Variants in NHEJ1 observed in about 807,000 individuals in gnomAD.
NHEJ1 encodes the protein non-homologous end-joining factor 1.
Under a neutral mutation model 39.4 loss-of-function variants are expected in NHEJ1, and 22 were observed. The ratio of observed to expected loss-of-function variants is 0.56; its 90% confidence interval spans 0.40 to 0.80. The LOEUF is 0.80. Ranked by LOEUF, NHEJ1 falls within the 30% of genes least tolerant of loss-of-function variation. NHEJ1 has a pLI of 0.00. For synonymous variants in NHEJ1, 154 were observed against 135.6 expected (o/e 1.14, Z -0.94); for missense variants, 329 against 357.1 (o/e 0.92, Z 0.63).
intron 5 of NHEJ1, among the ~76,000 whole-genome samples, chr2:219,125,936 T>C (rs1296679543): frequency 2.0e-5 from 3 of 152,226 alleles, no homozygotes; most frequent in Admixed American, 6.5e-5. Flanking sequence ...CTCATCCCAC[T>C]TGGCTATTCT....
At chr2:219,148,966 C>T (rs1023529934) in intron 3 of NHEJ1, among the ~76,000 whole-genome samples, 1 of 152,048 alleles carries the variant, frequency 6.6e-6, no homozygotes, top group African/African-American at 2.4e-5. Flanking sequence ...TCACTACAAC[C>T]TCCACCTCCC....
intron 4 of NHEJ1, 148 bp downstream of exon 4, chr2:219,147,509 C>T: frequency 1.1e-6 from 1 of 904,504 alleles, no homozygotes; most frequent in Non-Finnish European, 1.8e-6. Flanking sequence ...AAAGAGTCAC[C>T]TAATATCAAG....
At chr2:219,085,473 C>G (rs1339729770) in intron 5 of NHEJ1, among the ~76,000 whole-genome samples, 1 of 152,152 alleles carries the variant, frequency 6.6e-6, no homozygotes, top group Non-Finnish European at 1.5e-5. Context: ...GAATGTGAAA[C>G]TGAAGACAGA....
rs1949023425 is a variant in NHEJ1, at chr2:219,077,321, A to G, written c.750T>C (p.Asp250=). The G allele has an allele frequency of 6.2e-7, 1 of 1,614,120 alleles. No homozygotes were observed. The highest frequency in any genetic ancestry group is 2.2e-5 in the East Asian group (1 of 44,884). ...TSNSASLQGI[D]SQCVNQPEQL... ...GTTCTGGCTGGTTTACACATTGGCTATCGATTCCTTGCAGGGAAGCACTGT... is the reference window on the plus strand; with the variant it reads ...GTTCTGGCTGGTTTACACATTGGCTGTCGATTCCTTGCAGGGAAGCACTGT... Residue 250 remains aspartate (D), a synonymous_variant, in exon 7 of 8, where the codon GAT becomes GAC. Coordinates refer to ENST00000356853, the MANE Select transcript of NHEJ1 (RefSeq NM_024782.3).
intron 5 of NHEJ1, among the ~76,000 whole-genome samples, chr2:219,080,388 G>A (rs747134674): frequency 2.0e-5 from 3 of 151,896 alleles, no homozygotes; most frequent in South Asian, 2.1e-4. Context: ...AGCCGGGCAC[G>A]GTGGTGGGCG....
intron 5 of NHEJ1, among the ~76,000 whole-genome samples, chr2:219,116,973 G>A (rs1464536081): frequency 1.3e-5 from 2 of 152,130 alleles, no homozygotes; most frequent in African/African-American, 4.8e-5. Context: ...AGAAAGGAGA[G>A]GCAAAGAACA....
chr2:219,131,148 GC>G (rs1472254079), intron 5 of NHEJ1, among the ~76,000 whole-genome samples: 1 of 152,106 alleles, frequency 6.6e-6, no homozygotes, highest in East Asian at 1.9e-4. Flanking sequence ...TGTTAGAGGA[GC>G]CCCCAGCATT....
rs2106362226 is a variant in NHEJ1 at position 219,147,646 on chromosome 2, T to C, written c.529+11A>G. 1 of 1,614,120 alleles carries C rather than the reference T, an allele frequency of 6.2e-7. No homozygotes were observed. Among genetic ancestry groups the C allele is most frequent in the Non-Finnish European group, 8.5e-7 (1 of 1,179,992 alleles). On this transcript the variant is annotated intron_variant, in intron 4 of 7. Transcript: ENST00000356853. ...ACGCCCCACCCAACTCCTCCAAGAA[T>C]GTCCTCTTACCTCGAATCAGCGTAG...
At chr2:219,148,875 C>A (rs748772792) in intron 3 of NHEJ1, among the ~76,000 whole-genome samples, 5 of 151,758 alleles carry the variant, frequency 3.3e-5, no homozygotes, top group Non-Finnish European at 7.4e-5. Context: ...ACGCACTCTA[C>A]ACACAACCCC....
At chr2:219,110,632 G>T (rs1949357500) in intron 5 of NHEJ1, among the ~76,000 whole-genome samples, 1 of 151,914 alleles carries the variant, frequency 6.6e-6, no homozygotes. Context: ...GGTGGAGGTG[G>T]GGCTGAAATT....
At position 219,076,159 on chromosome 2, in the gene NHEJ1, A is replaced by C; in HGVS notation, c.*222T>G. The C allele has an allele frequency of 1.0e-6, 1 of 999,342 alleles. No homozygotes were observed. The highest frequency in any genetic ancestry group is 1.4e-6 in the Non-Finnish European group (1 of 698,858). 61.9% of individuals were successfully genotyped at this position (999,342 alleles called of 1,614,324 possible). ...ACCTGAACCTACAGAACCTCCACCA[A>C]AAGAGAGGAGAGCACGGGATTCTCA... On this transcript the variant is annotated 3_prime_UTR_variant, in exon 8 of 8. Coordinates refer to ENST00000356853, the MANE Select transcript of NHEJ1 (RefSeq NM_024782.3).
Position 219,072,233 on chromosome 2 carries a change from C to A in NHEJ1, c.*4148G>T, listed in dbSNP as rs139473390. Among the ~76,000 whole-genome samples the A allele has an allele frequency of 6.6e-6, 1 of 152,190 alleles. No individual in the cohort carries two copies. The highest frequency in any genetic ancestry group is 2.4e-5 in the African/African-American group (1 of 41,448). Reference sequence around the variant, plus strand: ...ATGAGCTGCCCTGGACAAGAGCACCCTGTAGCAGCTTCCAGGGCATCAATG... The same window carrying A: ...ATGAGCTGCCCTGGACAAGAGCACCATGTAGCAGCTTCCAGGGCATCAATG... On this transcript the variant is annotated 3_prime_UTR_variant, in exon 8 of 8. Transcript: ENST00000356853.
chr2:219,135,607 T>A (rs970438335), intron 5 of NHEJ1, among the ~76,000 whole-genome samples: 8 of 152,080 alleles, frequency 5.3e-5, no homozygotes, highest in African/African-American at 1.9e-4. Flanking sequence ...AGATTCCGTC[T>A]CAAAAGTAAA....
intron 5 of NHEJ1, among the ~76,000 whole-genome samples, chr2:219,127,598 C>T (rs1028791499): frequency 4.6e-5 from 7 of 152,202 alleles, no homozygotes; most frequent in African/African-American, 4.8e-5. Flanking sequence ...TTACTTTTCT[C>T]CTCAATCCAA....
In NHEJ1 at chr2:219,074,753, A is replaced by C. The variant is rs980158022; in HGVS notation, c.*1628T>G. Among the ~76,000 whole-genome samples the C allele has an allele frequency of 9.9e-5, 15 of 151,998 alleles. No individual in the cohort carries two copies. Among genetic ancestry groups the C allele is most frequent in the Middle Eastern group, 3.4e-3 (1 of 294 alleles). On this transcript the variant is annotated 3_prime_UTR_variant, in exon 8 of 8. Transcript: ENST00000356853. ...GCAAGACTCCATTAAAAAAAAAAAA[A>C]AGTAACAAAAGAGCAAAGTAAGCCA...
At chr2:219,107,474 G>A (rs1447234909) in intron 5 of NHEJ1, among the ~76,000 whole-genome samples, 1 of 152,140 alleles carries the variant, frequency 6.6e-6, no homozygotes, top group Non-Finnish European at 1.5e-5. Context: ...TCAAAACCCA[G>A]GGCAGATGAC....
chr2:219,105,417 G>A (rs2106336121), intron 5 of NHEJ1, among the ~76,000 whole-genome samples: 1 of 152,192 alleles, frequency 6.6e-6, no homozygotes, highest in African/African-American at 2.4e-5. Context: ...CACAGCAATG[G>A]GACAGAAGGG....
chr2:219,112,042 G>T (rs578174087), intron 5 of NHEJ1, among the ~76,000 whole-genome samples: 2 of 152,258 alleles, frequency 1.3e-5, no homozygotes, highest in Admixed American at 6.5e-5. Flanking sequence ...TGAAAGTGGG[G>T]GTCAGAGAAA....
rs1553547573 is a variant in NHEJ1 at position 219,137,595 on chromosome 2, A to AAAAC, written c.588+9084_588+9085insGTTT. ...CAAAAAAAAAAAAAAAAAAAAAACAAAAAAAACTGAAAACCACCTTCAGAA... is the reference window on the plus strand; with the variant it reads ...CAAAAAAAAAAAAAAAAAAAAAACAAAAACAAAAAACTGAAAACCACCTTCAGAA... On this transcript the variant is annotated intron_variant, in intron 5 of 7. Transcript: ENST00000356853. 7.5e-3 allele frequency among the ~76,000 whole-genome samples: 618 copies of AAAAC among 82,764 alleles called. 8 individuals are homozygous for AAAAC. The highest frequency in any genetic ancestry group is 0.014 in the Non-Finnish European group (465 of 32,970). 54.3% of individuals were successfully genotyped at this position (82,764 alleles called of 152,430 possible).
Sources: allele counts gnomAD v4.1 joint callset (sites outside exome capture counted in the v4.1 genomes callset), GRCh38; gene constraint gnomAD v4.1.1; transcripts MANE v1.5; gene names NCBI Gene and HGNC (gene_info 2026-07-23, HGNC 2026-07-21).